DLGAP2: variants seen among roughly 807,000 people sequenced by gnomAD.
DLGAP2 encodes DLG associated protein 2, also known as disks large-associated protein 2.
Under a neutral mutation model 100.3 loss-of-function variants are expected in DLGAP2, and 26 were observed. That is an observed-to-expected ratio of 0.26 (90% CI 0.19 to 0.36). The LOEUF is 0.36. Ranked by LOEUF, DLGAP2 falls within the 10% of genes least tolerant of loss-of-function variation. The pLI is 1.00. For synonymous variants in DLGAP2, 886 were observed against 630.1 expected (o/e 1.41, Z -6.08); for missense variants, 1,858 against 1,453.2 (o/e 1.28, Z -4.53).
chr8:1,601,979 T>TGA (rs1796642180), intron 6 of DLGAP2, among the ~76,000 whole-genome samples: 2 of 151,560 alleles, frequency 1.3e-5, no homozygotes, highest in African/African-American at 4.9e-5. Context: ...TGTGTGTGTG[T>TGA]GATCAGCCCG....
chr8:882,804 G>A (rs926584411), intron 1 of DLGAP2, among the ~76,000 whole-genome samples: 8 of 152,274 alleles, frequency 5.3e-5, no homozygotes, highest in Non-Finnish European at 1.2e-4. Context: ...TGGCCCAGCG[G>A]CATCTCTCCC....
At chr8:1,502,392 C>G (rs1799754148) in intron 4 of DLGAP2, among the ~76,000 whole-genome samples, 1 of 152,218 alleles carries the variant, frequency 6.6e-6, no homozygotes, top group Admixed American at 6.5e-5. Flanking sequence ...AAGGAGTCCA[C>G]TTTGTATAAA....
intron 2 of DLGAP2, among the ~76,000 whole-genome samples, chr8:926,165 C>T (rs546186171): frequency 1.2e-4 from 18 of 152,226 alleles, no homozygotes; most frequent in Admixed American, 2.0e-4. Context: ...CGCCTGTGGT[C>T]GTGCCTGTAC....
At chr8:742,233 G>C (rs577935257) in intron 1 of DLGAP2, among the ~76,000 whole-genome samples, 1 of 152,162 alleles carries the variant, frequency 6.6e-6, no homozygotes, top group Non-Finnish European at 1.5e-5. Flanking sequence ...GGTACATCGT[G>C]TGTATCGGCA....
intron 2 of DLGAP2, among the ~76,000 whole-genome samples, chr8:952,800 T>G (rs1021184018): frequency 2.6e-4 from 39 of 152,362 alleles, no homozygotes; most frequent in Admixed American, 8.5e-4. Context: ...TCTGGTATAT[T>G]AGAAGCATGT....
chr8:1,528,492 G>A (rs1800871220), intron 4 of DLGAP2, among the ~76,000 whole-genome samples: 1 of 152,230 alleles, frequency 6.6e-6, no homozygotes, highest in African/African-American at 2.4e-5. Context: ...CCTCCACCAG[G>A]AGCAGCAGCA....
chr8:1,066,323 G>T (rs1267498912), intron 2 of DLGAP2, among the ~76,000 whole-genome samples: 1 of 151,062 alleles, frequency 6.6e-6, no homozygotes, highest in African/African-American at 2.4e-5. Flanking sequence ...ACCATGGGCA[G>T]GTCTGAGCGA....
intron 7 of DLGAP2, among the ~76,000 whole-genome samples, chr8:1,631,384 C>T (rs557931105): frequency 6.6e-6 from 1 of 152,132 alleles, no homozygotes; most frequent in Non-Finnish European, 1.5e-5. Flanking sequence ...GTCTACGATA[C>T]ATCTTTGACA....
At chr8:1,268,333 C>G (rs1427533491) in intron 3 of DLGAP2, among the ~76,000 whole-genome samples, 2 of 152,030 alleles carry the variant, frequency 1.3e-5, no homozygotes, top group African/African-American at 4.8e-5. Context: ...AATTTTGAAG[C>G]ATATTTGGGA....
chr8:1,155,749 C>CG (rs933234538), intron 2 of DLGAP2, among the ~76,000 whole-genome samples: 7 of 152,182 alleles, frequency 4.6e-5, no homozygotes, highest in African/African-American at 1.2e-4. Flanking sequence ...CCCTGGAGCG[C>CG]GGGGCCTTGG....
intron 1 of DLGAP2, among the ~76,000 whole-genome samples, chr8:856,296 C>T (rs926183285): frequency 4.0e-5 from 6 of 150,230 alleles, no homozygotes; most frequent in African/African-American, 1.5e-4. Flanking sequence ...TCAAGCAATT[C>T]TCCTGCCTCA....
intron 8 of DLGAP2, among the ~76,000 whole-genome samples, chr8:1,667,725 T>C (rs924958518): frequency 2.0e-5 from 3 of 152,200 alleles, no homozygotes; most frequent in Admixed American, 6.5e-5. Context: ...TCTTGACCTA[T>C]GCATAGTTTA....
intron 1 of DLGAP2, 132 bp downstream of exon 1, chr8:737,957 G>T (rs1315977960): frequency 2.9e-6 from 1 of 340,960 alleles, no homozygotes. Flanking sequence ...GCGAGCGGGG[G>T]TCGTGCCGCC....
intron 2 of DLGAP2, among the ~76,000 whole-genome samples, chr8:973,445 C>T (rs1259049689): frequency 5.9e-5 from 9 of 151,554 alleles, no homozygotes; most frequent in Non-Finnish European, 8.8e-5. Flanking sequence ...GGGTCACGGC[C>T]GGGCAGAGGC....
At chr8:1,068,631 G>GGGAGAT (rs1400991817) in intron 2 of DLGAP2, among the ~76,000 whole-genome samples, 1 of 152,178 alleles carries the variant, frequency 6.6e-6, no homozygotes, top group Non-Finnish European at 1.5e-5. Context: ...CACAGGAGCG[G>GGGAGAT]GGAGATGAGG....
chr8:743,468 T>G (rs1820538041), intron 1 of DLGAP2, among the ~76,000 whole-genome samples: 1 of 152,214 alleles, frequency 6.6e-6, no homozygotes, highest in Admixed American at 6.5e-5. Context: ...GAAGTATTTT[T>G]TAATGATTTT....
At chr8:930,457 A>C (rs2129003261) in intron 2 of DLGAP2, among the ~76,000 whole-genome samples, 1 of 152,376 alleles carries the variant, frequency 6.6e-6, no homozygotes, top group East Asian at 1.9e-4. Context: ...ACAACACTGC[A>C]TCAGAAGCCA....
intron 1 of DLGAP2, among the ~76,000 whole-genome samples, chr8:801,890 C>G (rs1796160643): frequency 6.6e-6 from 1 of 152,182 alleles, no homozygotes; most frequent in Non-Finnish European, 1.5e-5. Context: ...GTTGTCTTCA[C>G]TCAAGCTCAC....
chr8:1,453,320 A>G (rs533895333), intron 3 of DLGAP2, among the ~76,000 whole-genome samples: 1 of 152,176 alleles, frequency 6.6e-6, no homozygotes, highest in South Asian at 2.1e-4. Context: ...CAAGTGGGAG[A>G]AAAAGTATTT....
Sources: allele counts gnomAD v4.1 joint callset (sites outside exome capture counted in the v4.1 genomes callset), GRCh38; gene constraint gnomAD v4.1.1; transcripts MANE v1.5; gene names NCBI Gene and HGNC (gene_info 2026-07-23, HGNC 2026-07-21).